The following ACACB variants were observed in gnomAD, a reference collection of about 807,000 sequenced individuals.
The protein encoded by ACACB is acetyl-CoA carboxylase 2.
In ACACB, 209 loss-of-function variants were observed where a neutral mutation model predicts 278.8. The ratio of observed to expected loss-of-function variants is 0.75; its 90% CI spans 0.67 to 0.84. The LOEUF (loss-of-function observed/expected upper bound fraction) is 0.84, where lower values mean the gene tolerates loss of function less well. Among genes scored for constraint, ACACB ranks in the 40% least tolerant of loss-of-function variants. The probability of loss-of-function intolerance (pLI) is 0.00; values close to 1 mark genes in which losing one functional copy is unlikely to be tolerated. For synonymous variants in ACACB, 1,174 were observed against 1,285.6 expected (o/e 0.91, Z 1.86); for missense variants, 2,850 against 3,269.0 (o/e 0.87, Z 3.13).
rs543693482 is a variant in ACACB, at chr12:109,240,121, C to T, written c.4818+136C>T. On this transcript the variant is annotated intron_variant, in intron 35 of 52. Coordinates refer to ENST00000338432, the MANE Select transcript of ACACB (RefSeq NM_001093.4). ...ATGCGTATCTGAGCCTCAGTTGCTG[C>T]GGGAGGAGAGCAAACCTTCTGCCAT... 6.9e-5 allele frequency: 72 copies of T among 1,042,696 alleles called. No individual in the cohort carries two copies. The African/African-American group carries it at 9.6e-4, about 14-fold the overall frequency. The allele number at this position is 1,042,696 out of a possible 1,614,324, so 64.6% of individuals were successfully genotyped here. A position where few individuals can be genotyped will look rare whatever the true frequency, so the allele number is the denominator to read the frequency against.
chr12:109,233,760 A>C lies in ACACB; in HGVS notation c.4152A>C (p.Glu1384Asp), dbSNP rs763215607. Reference sequence around the variant, plus strand: ...CCCGCACCCCCAGAAATTTTGATGAAGTCATCTCTTGCTTCGCCAACGTGC... The same window carrying C: ...CCCGCACCCCCAGAAATTTTGATGACGTCATCTCTTGCTTCGCCAACGTGC... ...RFEDFTRNFD[E>D]VISCFANVPK... The change falls in exon 30 of 53, where the codon GAA becomes GAC. Residue 1384 changes from glutamate (E) to aspartate (D), a missense_variant. Glu to Asp is a conservative substitution (Grantham distance 45). Around this residue, in one of 3 missense-constraint regions of ACACB, gnomAD observed 2,265 missense variants for 2,561.3 expected, o/e 0.88. Transcript: ENST00000338432. The C allele has an allele frequency of 6.2e-7, 1 of 1,614,044 alleles. No individual in the cohort carries two copies. The highest frequency in any genetic ancestry group is 2.2e-5 in the East Asian group (1 of 44,870).
intron 13 of ACACB, among the ~76,000 whole-genome samples, chr12:109,188,925 G>A (rs1006289815): frequency 2.0e-5 from 3 of 152,210 alleles, no homozygotes; most frequent in African/African-American, 2.4e-5. Flanking sequence ...ATTTCACACC[G>A]AAGACTAAAT....
chr12:109,247,185 G>C (rs945331702), intron 39 of ACACB, among the ~76,000 whole-genome samples: 1 of 151,984 alleles, frequency 6.6e-6, no homozygotes, highest in Non-Finnish European at 1.5e-5. Context: ...TGAAATGACA[G>C]GGGACAGTCA....
intron 1 of ACACB, among the ~76,000 whole-genome samples, chr12:109,120,967 T>A (rs1249557057): frequency 3.3e-5 from 5 of 152,208 alleles, no homozygotes; most frequent in Middle Eastern, 3.2e-3. Context: ...TGAGACATAG[T>A]CTTGCTCTGT....
chr12:109,248,233 A>C (rs1334577267), intron 40 of ACACB, among the ~76,000 whole-genome samples: 1 of 152,250 alleles, frequency 6.6e-6, no homozygotes, highest in East Asian at 1.9e-4. Context: ...GAGATCTCAT[A>C]AACATCTTTA....
Position 109,167,890 on chromosome 12 carries a change from A to G in ACACB, c.787-6A>G. 4 of 1,613,732 alleles carry G rather than the reference A, an allele frequency of 2.5e-6. No individual in the cohort carries two copies. The highest frequency in any genetic ancestry group is 2.5e-6 in the Non-Finnish European group (3 of 1,179,908). ...TCTACAGCTCCTTCCTTGTCTTCCC[A>G]TGCAGGTGCTTATTGCCAACAACGG... On this transcript the variant is annotated splice_polypyrimidine_tract_variant and splice_region_variant and intron_variant, in intron 3 of 52. Transcript: ENST00000338432.
At chr12:109,258,104 C>G (rs556386366) in intron 45 of ACACB, among the ~76,000 whole-genome samples, 164 bp from the exon 46 acceptor site, 1 of 152,196 alleles carries the variant, frequency 6.6e-6, no homozygotes, top group East Asian at 1.9e-4. Flanking sequence ...TGCTACCTTT[C>G]GAGGCTCTTA....
At chr12:109,119,924 T>TAATTAAAGGATTAAAGGATTAG (rs2042503068) in intron 1 of ACACB, among the ~76,000 whole-genome samples, 1 of 152,112 alleles carries the variant, frequency 6.6e-6, no homozygotes, top group South Asian at 2.1e-4. Flanking sequence ...TTAAAGGATT[T>TAATTAAAGGATTAAAGGATTAG]TCCACCACTC....
intron 22 of ACACB, among the ~76,000 whole-genome samples, chr12:109,214,559 A>T (rs2045939303): frequency 6.6e-6 from 1 of 152,226 alleles, no homozygotes; most frequent in Admixed American, 6.5e-5. Flanking sequence ...ACCATTAATA[A>T]ATTAACTGAA....
Position 109,199,387 on chromosome 12 carries a change from CCTCCTCT to C in ACACB, c.2628-10_2628-4del, listed in dbSNP as rs777705171. ...TCCTCATCAGTCTCCCTACCCGACT[CCTCCTCT>C]CTCCCAGTTACCGAATTACCATCGG... On this transcript the variant is annotated splice_polypyrimidine_tract_variant and splice_region_variant and intron_variant, in intron 17 of 52. Transcript: ENST00000338432. 1 of 1,463,780 alleles carries C rather than the reference CCTCCTCT, an allele frequency of 6.8e-7. No individual in the cohort carries two copies. Among genetic ancestry groups the C allele is most frequent in the Non-Finnish European group, 9.1e-7 (1 of 1,101,148 alleles). 90.7% of individuals were successfully genotyped at this position (1,463,780 alleles called of 1,614,324 possible).
At position 109,265,294 on chromosome 12, in the gene ACACB, G is replaced by C. The variant is rs1277912931; in HGVS notation, c.7113+14G>C. 6.2e-7 allele frequency: 1 copy of C among 1,612,350 alleles called. No homozygotes were observed. The highest frequency in any genetic ancestry group is 8.5e-7 in the Non-Finnish European group (1 of 1,179,708). ...GGGGCTGTCAAGGTGGGCCTGGGGT[G>C]AGAACGAGGCCGGTGAGCACAGGGG... On this transcript the variant is annotated intron_variant, in intron 51 of 52. Transcript: ENST00000338432.
In ACACB at chr12:109,242,499, C is replaced by G. The variant is rs1335048211; in HGVS notation, c.5085C>G (p.Pro1695=). 3.1e-6 allele frequency: 5 copies of G among 1,614,126 alleles called. No homozygotes were observed. Among genetic ancestry groups the G allele is most frequent in the Middle Eastern group, 1.6e-4 (1 of 6,062 alleles). Residue 1695 remains proline (P), a synonymous_variant, in exon 37 of 53, where the codon CCC becomes CCG. Transcript: ENST00000338432. ...AGCACGGGATGCTGATCAATACTCC[C>G]TACGTCACCAAGGATCTGCTCCAGG... ...GPQHGMLINT[P]YVTKDLLQAK...
intron 12 of ACACB, among the ~76,000 whole-genome samples, chr12:109,186,178 G>T (rs566885820): frequency 1.3e-5 from 2 of 152,092 alleles, no homozygotes; most frequent in Admixed American, 6.5e-5. Context: ...TGATCCACCC[G>T]CCTCGGCCTC....
intron 4 of ACACB, among the ~76,000 whole-genome samples, 176 bp from the exon 5 acceptor site, chr12:109,171,629 C>T (rs557179963): frequency 5.9e-5 from 9 of 151,964 alleles, no homozygotes; most frequent in East Asian, 1.9e-4. Context: ...GGATTACAGG[C>T]GTGAGCCACC....
At position 109,188,027 on chromosome 12, in the gene ACACB, A is replaced by G; in HGVS notation, c.2009A>G (p.Gln670Arg). 2 of 1,612,662 alleles carry G rather than the reference A, an allele frequency of 1.2e-6. No individual in the cohort carries two copies. Among genetic ancestry groups the G allele is most frequent in the Non-Finnish European group, 1.7e-6 (2 of 1,178,752 alleles). ...TTTAAGCCGAGCTCCGGGACTGTCC[A>G]GGAACTGAATTTCCGGAGCAGCAAG... is the stretch of plus-strand genomic sequence containing the variant. ...EGFKPSSGTV[Q>R]ELNFRSSKNV... Residue 670 changes from glutamine (Q) to arginine (R), a missense_variant, in exon 13 of 53, where the codon CAG becomes CGG. Gln to Arg is a conservative substitution (Grantham distance 43, BLOSUM62 1). Transcript: ENST00000338432.
chr12:109,179,278 T>G lies in ACACB; in HGVS notation c.1628T>G (p.Ile543Arg). 6.2e-7 allele frequency: 1 copy of G among 1,613,672 alleles called. No individual in the cohort carries two copies. The highest frequency in any genetic ancestry group is 8.5e-7 in the Non-Finnish European group (1 of 1,179,944). ...EAPATIAPLA[I>R]FEFMEQCAIR... ...CCGGCCACCATCGCCCCGCTGGCCA[T>G]ATTCGAGTTCATGGAGCAGGTACAC... Residue 543 changes from isoleucine to arginine, a missense_variant, in exon 10 of 53, where the codon ATA (isoleucine) becomes AGA (arginine). Transcript: ENST00000338432.
intron 28 of ACACB, among the ~76,000 whole-genome samples, chr12:109,231,165 C>T (rs935992612): frequency 2.0e-5 from 3 of 152,002 alleles, no homozygotes; most frequent in Admixed American, 6.6e-5. Context: ...GGCTTTGTGC[C>T]AGCTGCAGCC....
intron 35 of ACACB, among the ~76,000 whole-genome samples, chr12:109,240,729 GGTA>G (rs2046772259): frequency 6.6e-6 from 1 of 151,884 alleles, no homozygotes; most frequent in Non-Finnish European, 1.5e-5. Flanking sequence ...CACTAGTTCA[GGTA>G]GTTCCAGAAG....
At chr12:109,246,676 G>T (rs1464693108) in intron 39 of ACACB, among the ~76,000 whole-genome samples, 2 of 152,120 alleles carry the variant, frequency 1.3e-5, no homozygotes, top group Non-Finnish European at 2.9e-5. Flanking sequence ...CCTTAACGGG[G>T]ATAATGAAAA....
Sources: gnomAD v4.1 joint callset for allele counts (sites outside exome capture counted in the v4.1 genomes callset) on GRCh38, gnomAD v4.1.1 for gene constraint, gnomAD v4.1.1 regional missense constraint, MANE v1.5 for transcripts, NCBI Gene and HGNC (gene_info 2026-07-23, HGNC 2026-07-21) for gene names.